The following HEMK2 variants were observed in gnomAD, a reference collection of about 807,000 sequenced individuals.
The protein encoded by HEMK2 is HemK methyltransferase 2, ETF1 glutamine and histone H4 lysine, also known as methyltransferase HEMK2.
chr21:28,836,120 A>T, the HEMK2 span, among the ~76,000 whole-genome samples: 1 of 152,234 alleles, frequency 6.6e-6, no homozygotes, highest in Non-Finnish European at 1.5e-5. Context: ...ACATGTAAAT[A>T]CAAGAAGCAC....
At chr21:28,871,163 T>A in the HEMK2 span, among the ~76,000 whole-genome samples, 2 of 152,190 alleles carry the variant, frequency 1.3e-5, no homozygotes, top group Non-Finnish European at 2.9e-5. Flanking sequence ...ACCTTTATCA[T>A]TCTTTAGTGT....
At chr21:28,863,211 C>A in the HEMK2 span, among the ~76,000 whole-genome samples, 2 of 151,456 alleles carry the variant, frequency 1.3e-5, no homozygotes, top group African/African-American at 2.4e-5. Flanking sequence ...TATAAGCAGG[C>A]AGAAAAATGT....
At chr21:28,780,824 C>G in the HEMK2 span, among the ~76,000 whole-genome samples, 4 of 152,282 alleles carry the variant, frequency 2.6e-5, no homozygotes, top group African/African-American at 4.8e-5. Context: ...TTCAACCCCC[C>G]CTCCTGGTGG....
At chr21:28,877,188 GAGGA>G in the HEMK2 span, among the ~76,000 whole-genome samples, 1 of 130,988 alleles carries the variant, frequency 7.6e-6, no homozygotes, top group Admixed American at 7.8e-5. Context: ...GAGAGGGAGG[GAGGA>G]AGGAAGGGAG....
chr21:28,760,696 AT>A, the HEMK2 span, among the ~76,000 whole-genome samples: 1 of 152,210 alleles, frequency 6.6e-6, no homozygotes, highest in South Asian at 2.1e-4. Flanking sequence ...ATAGTCATTT[AT>A]TTTGTACACT....
chr21:28,786,329 C>T, the HEMK2 span, among the ~76,000 whole-genome samples: 1 of 152,184 alleles, frequency 6.6e-6, no homozygotes, highest in Non-Finnish European at 1.5e-5. Flanking sequence ...ACCCATAGGT[C>T]AAGTCTGTTA....
the HEMK2 span, among the ~76,000 whole-genome samples, chr21:28,695,621 C>G: frequency 6.6e-6 from 1 of 152,230 alleles, no homozygotes. Context: ...ATTCAATTAT[C>G]TCCACCTGGC....
At chr21:28,679,814 G>A in the HEMK2 span, among the ~76,000 whole-genome samples, 2 of 152,176 alleles carry the variant, frequency 1.3e-5, no homozygotes, top group South Asian at 4.2e-4. Flanking sequence ...GGTACATAAC[G>A]AAATGAAGGC....
At chr21:28,664,369 T>A in the HEMK2 span, among the ~76,000 whole-genome samples, 1 of 152,316 alleles carries the variant, frequency 6.6e-6, no homozygotes, top group African/African-American at 2.4e-5. Flanking sequence ...TCTGGGTATC[T>A]TACTTGCTCT....
At chr21:28,766,277 C>A in the HEMK2 span, among the ~76,000 whole-genome samples, 1 of 151,260 alleles carries the variant, frequency 6.6e-6, no homozygotes, top group East Asian at 2.0e-4. Flanking sequence ...ACATTGTGGA[C>A]ATGTACCCTA....
At chr21:28,702,534 C>T in the HEMK2 span, among the ~76,000 whole-genome samples, 12 of 152,032 alleles carry the variant, frequency 7.9e-5, no homozygotes, top group East Asian at 1.9e-4. Context: ...AAGACACACA[C>T]GCAGCCAACA....
the HEMK2 span, among the ~76,000 whole-genome samples, chr21:28,864,881 G>GAC: frequency 1.5e-4 from 8 of 54,294 alleles, no homozygotes; most frequent in South Asian, 7.8e-3. Context: ...ATGATAGGTA[G>GAC]ATATAGATGA....
the HEMK2 span, among the ~76,000 whole-genome samples, chr21:28,788,654 C>T: frequency 1.3e-5 from 2 of 151,146 alleles, no homozygotes; most frequent in African/African-American, 2.4e-5. Flanking sequence ...CCAAATACCA[C>T]CTGTACCCCA....
At chr21:28,804,434 T>C in the HEMK2 span, among the ~76,000 whole-genome samples, 1 of 152,148 alleles carries the variant, frequency 6.6e-6, no homozygotes, top group East Asian at 1.9e-4. Context: ...TTTGAATATC[T>C]CATATAATTA....
At chr21:28,708,140 T>C in the HEMK2 span, among the ~76,000 whole-genome samples, 2 of 152,174 alleles carry the variant, frequency 1.3e-5, no homozygotes, top group Non-Finnish European at 2.9e-5. Flanking sequence ...TTTTTAATCA[T>C]GTTTAAATAA....
At chr21:28,737,032 G>C in the HEMK2 span, among the ~76,000 whole-genome samples, 1 of 152,206 alleles carries the variant, frequency 6.6e-6, no homozygotes, top group South Asian at 2.1e-4. Flanking sequence ...AGTTAAAAGA[G>C]ACAAGGGTCC....
the HEMK2 span, among the ~76,000 whole-genome samples, chr21:28,624,320 T>C: frequency 1.3e-5 from 2 of 152,210 alleles, no homozygotes; most frequent in Admixed American, 6.5e-5. Flanking sequence ...CTCCTCTCCA[T>C]TGAGAAGTCC....
At chr21:28,810,755 A>C in the HEMK2 span, among the ~76,000 whole-genome samples, 3 of 152,152 alleles carry the variant, frequency 2.0e-5, no homozygotes, top group Non-Finnish European at 2.9e-5. Context: ...ATTCTTCCAC[A>C]GTATTCTCAC....
the HEMK2 span, among the ~76,000 whole-genome samples, chr21:28,830,190 C>G: frequency 6.6e-6 from 1 of 152,184 alleles, no homozygotes; most frequent in Non-Finnish European, 1.5e-5. Context: ...TGGTTTGGCT[C>G]TGTGTCCCCA....
Sources: gnomAD v4.1 joint callset for allele counts (sites outside exome capture counted in the v4.1 genomes callset) on GRCh38, gnomAD v4.1.1 for gene constraint, MANE v1.5 for transcripts, NCBI Gene and HGNC (gene_info 2026-07-23, HGNC 2026-07-21) for gene names.